Variants in YLPM1 observed in about 807,000 individuals in gnomAD.
The protein encoded by YLPM1 is YLP motif-containing protein 1.
YLPM1 carries 99 observed loss-of-function variants against 230.0 expected under a neutral mutation model. The ratio of observed to expected loss-of-function variants is 0.43; its 90% CI spans 0.37 to 0.51. The LOEUF (loss-of-function observed/expected upper bound fraction) is 0.51, where lower values mean the gene tolerates loss of function less well. Among genes scored for constraint, YLPM1 ranks in the 20% least tolerant of loss-of-function variants. YLPM1 has a pLI of 0.00. For missense variants in YLPM1, 2,592 were observed against 2,707.7 expected (o/e 0.96, Z 0.95); for synonymous variants, 984 against 942.5 (o/e 1.04, Z -0.81).
chr14:74,807,545 T>G (rs2091391735), intron 6 of YLPM1, among the ~76,000 whole-genome samples: 1 of 152,088 alleles, frequency 6.6e-6, no homozygotes, highest in Non-Finnish European at 1.5e-5. Context: ...ATAAAATGTA[T>G]TTGGCAACTG....
intron 2 of YLPM1, among the ~76,000 whole-genome samples, chr14:74,779,498 G>A (rs1254579825): frequency 6.6e-6 from 1 of 152,038 alleles, no homozygotes; most frequent in African/African-American, 2.4e-5. Flanking sequence ...TCTCATATTG[G>A]TCCAAAGGTC....
Position 74,764,372 on chromosome 14 carries a change from C to CATCT in YLPM1, c.873+11_873+14dup. Reference sequence around the variant, plus strand: ...TACGATGACTCCACAGGTAAGAAAGCATCTGCCTGAACCTCATCTTTCACC... The same window carrying CATCT: ...TACGATGACTCCACAGGTAAGAAAGCATCTATCTGCCTGAACCTCATCTTTCACC... On this transcript the variant is annotated intron_variant, in intron 1 of 20. Transcript: ENST00000325680. 6.3e-7 allele frequency: 1 copy of CATCT among 1,593,048 alleles called. No individual in the cohort carries two copies. Among genetic ancestry groups the CATCT allele is most frequent in the Non-Finnish European group, 8.6e-7 (1 of 1,167,870 alleles).
At chr14:74,766,863 A>C (rs2090916702) in intron 1 of YLPM1, among the ~76,000 whole-genome samples, 1 of 151,578 alleles carries the variant, frequency 6.6e-6, no homozygotes, top group Non-Finnish European at 1.5e-5. Context: ...AAACAAAACA[A>C]AACAAAACCA....
chr14:74,829,392 C>T, intron 19 of YLPM1, 49 bp downstream of exon 19: 2 of 1,607,216 alleles, frequency 1.2e-6, no homozygotes, highest in Non-Finnish European at 1.7e-6. Context: ...CCCATTTAGG[C>T]ATCTGGTTTT....
intron 6 of YLPM1, among the ~76,000 whole-genome samples, chr14:74,804,257 G>C (rs985219405): frequency 6.6e-6 from 1 of 152,158 alleles, no homozygotes; most frequent in Non-Finnish European, 1.5e-5. Context: ...AGGCAGCGTC[G>C]ATGTGATTTG....
At chr14:74,808,464 T>A (rs1229226202) in intron 6 of YLPM1, among the ~76,000 whole-genome samples, 1 of 152,192 alleles carries the variant, frequency 6.6e-6, no homozygotes, top group Admixed American at 6.5e-5. Flanking sequence ...TGTTTTTATT[T>A]TTCTTGGATA....
chr14:74,824,162 C>G (rs1468622215), intron 17 of YLPM1, 94 bp from the exon 18 acceptor site: 1 of 1,211,330 alleles, frequency 8.3e-7, no homozygotes, highest in South Asian at 1.4e-5. Context: ...GAAACTGAAT[C>G]CATTCCCAGT....
chr14:74,791,362 C>T (rs902111547), intron 4 of YLPM1, among the ~76,000 whole-genome samples: 1 of 152,100 alleles, frequency 6.6e-6, no homozygotes, highest in Admixed American at 6.5e-5. Context: ...AATTTCTGGC[C>T]CCCAGAATGA....
rs779687989 is a variant in YLPM1, at chr14:74,837,293, T to C, written c.*1555T>C. The C allele has an allele frequency of 6.6e-6, 1 of 152,240 alleles. No homozygotes were observed. Among genetic ancestry groups the C allele is most frequent in the East Asian group, 1.9e-4 (1 of 5,204 alleles). The allele number at this position is 152,240 out of a possible 1,614,324, so 9.4% of individuals were successfully genotyped here. ...TGAATGTATAAATTGCTACATTAAA[T>C]AACTTCTGCTGTTTGTAGTATTTAA... On this transcript the variant is annotated 3_prime_UTR_variant, in exon 21 of 21. Coordinates refer to ENST00000325680, the MANE Select transcript of YLPM1 (RefSeq NM_019589.3).
intron 20 of YLPM1, 56 bp downstream of exon 20, chr14:74,835,503 A>T: frequency 1.4e-6 from 2 of 1,474,662 alleles, no homozygotes; most frequent in Non-Finnish European, 1.8e-6. Flanking sequence ...AAAGGGTTTG[A>T]GATAAAGAAG....
At chr14:74,831,085 T>C (rs1292752203) in intron 19 of YLPM1, among the ~76,000 whole-genome samples, 1 of 152,184 alleles carries the variant, frequency 6.6e-6, no homozygotes, top group East Asian at 1.9e-4. Flanking sequence ...TCAAACTCTT[T>C]AACTTTTGAC....
chr14:74,821,244 G>T (rs1412845643), intron 17 of YLPM1, 107 bp downstream of exon 17: 1 of 1,376,054 alleles, frequency 7.3e-7, no homozygotes, highest in Non-Finnish European at 9.5e-7. Context: ...ATACACTTTA[G>T]TGGTAAAAGT....
chr14:74,780,370 G>T, intron 2 of YLPM1, 35 bp from the exon 3 acceptor site: 1 of 1,564,138 alleles, frequency 6.4e-7, no homozygotes, highest in South Asian at 1.2e-5. Context: ...GCTGTTTTAT[G>T]ACTTACATAA....
intron 4 of YLPM1, among the ~76,000 whole-genome samples, chr14:74,785,849 C>A (rs1392478887): frequency 6.6e-6 from 1 of 152,144 alleles, no homozygotes; most frequent in Admixed American, 6.5e-5. Flanking sequence ...ATGTAAATAA[C>A]ATATCACATT....
chr14:74,816,798 C>T lies in YLPM1; in HGVS notation c.5685+108C>T, dbSNP rs2091481772. The T allele has an allele frequency of 9.6e-6, 14 of 1,453,782 alleles. No homozygotes were observed. In the South Asian group the frequency reaches 1.3e-4, roughly 14 times the overall value. The allele number at this position is 1,453,782 out of a possible 1,614,324, so 90.1% of individuals were successfully genotyped here. On this transcript the variant is annotated intron_variant, in intron 13 of 20. Transcript: ENST00000325680. ...TGAGGGCAGGGACCTCTCTCTTTTC[C>T]GAACACAGTACTTTAGTACTTGGGT... is the stretch of plus-strand genomic sequence containing the variant.
chr14:74,799,231 T>C lies in YLPM1; in HGVS notation c.3934T>C (p.Tyr1312His). 2 of 1,613,924 alleles carry C rather than the reference T, an allele frequency of 1.2e-6. No homozygotes were observed. Among genetic ancestry groups the C allele is most frequent in the Non-Finnish European group, 1.7e-6 (2 of 1,179,868 alleles). ...RSLDNEWDRD[Y>H]GRPLDEQESQ... ...TTTGGATAATGAGTGGGACAGAGAT[T>C]ATGGGAGACCACTGGATGAACAAGA... The change falls in exon 5 of 21, where the codon TAT becomes CAT. Residue 1312 changes from tyrosine (Y) to histidine (H), a missense_variant. Physicochemically the swap from Tyr to His is moderately conservative, Grantham distance 83 (BLOSUM62 2). Transcript: ENST00000325680.
In YLPM1 at chr14:74,816,228, C is replaced by T; in HGVS notation, c.5528C>T (p.Pro1843Leu). 1 of 1,609,968 alleles carries T rather than the reference C, an allele frequency of 6.2e-7. No homozygotes were observed. The highest frequency in any genetic ancestry group is 8.5e-7 in the Non-Finnish European group (1 of 1,178,676). The change falls in exon 12 of 21, where the codon CCT (proline) becomes CTT (leucine). Residue 1843 changes from proline to leucine, a missense_variant. Coordinates refer to ENST00000325680, the MANE Select transcript of YLPM1 (RefSeq NM_019589.3). ...ATTGTTGTTATAATGAGAGGATTAC[C>T]TGGCAGTGGAAAGACACATGTTGCA... ...ERIVVIMRGL[P>L]GSGKTHVAKL... is the part of the protein sequence containing the mutation.
chr14:74,809,451 A>G lies in YLPM1; in HGVS notation c.4593A>G (p.Pro1531=). The change falls in exon 7 of 21, where the codon CCA becomes CCG. Residue 1531 remains proline (P), a synonymous_variant. Coordinates refer to ENST00000325680, the MANE Select transcript of YLPM1 (RefSeq NM_019589.3). Reference sequence around the variant, plus strand: ...GTTCAATTGTAAGACCCTCTGCTCCACCAGCAAGATCATCTGTTCCTGTGA... The same window carrying G: ...GTTCAATTGTAAGACCCTCTGCTCCGCCAGCAAGATCATCTGTTCCTGTGA... The part of the protein sequence containing the change: ...PPGSIVRPSA[P]PARSSVPVTR... The G allele has an allele frequency of 6.2e-7, 1 of 1,600,974 alleles. No individual in the cohort carries two copies. The highest frequency in any genetic ancestry group is 1.1e-5 in the South Asian group (1 of 89,000).
At chr14:74,816,124 G>T (rs2059422935) in intron 11 of YLPM1, 79 bp from the exon 12 acceptor site, 7 of 1,302,350 alleles carry the variant, frequency 5.4e-6, no homozygotes, top group South Asian at 2.6e-5. Flanking sequence ...GAAAATGGTA[G>T]GTCATTGTTA....
Sources: gnomAD v4.1 joint callset for allele counts (sites outside exome capture counted in the v4.1 genomes callset) on GRCh38, gnomAD v4.1.1 for gene constraint, MANE v1.5 for transcripts, NCBI Gene and HGNC (gene_info 2026-07-23, HGNC 2026-07-21) for gene names.